DPP10: variants seen among roughly 807,000 people sequenced by gnomAD.
DPP10 encodes inactive dipeptidyl peptidase 10.
DPP10 carries 33 observed loss-of-function variants against 120.9 expected under a neutral mutation model. The observed-to-expected ratio is 0.27, with a 90% CI of 0.21 to 0.37. The LOEUF (loss-of-function observed/expected upper bound fraction) is 0.37, where lower values mean the gene tolerates loss of function less well. Ranked by LOEUF, DPP10 falls within the 10% of genes least tolerant of loss-of-function variation. The pLI, the probability that DPP10 is intolerant of heterozygous loss-of-function variation, is 1.00. For synonymous variants in DPP10, 337 were observed against 326.1 expected (o/e 1.03, Z -0.36); for missense variants, 816 against 942.8 (o/e 0.87, Z 1.76).
intron 1 of DPP10, among the ~76,000 whole-genome samples, chr2:114,577,465 G>A (rs1394777160): frequency 1.3e-5 from 2 of 152,188 alleles, no homozygotes; most frequent in Non-Finnish European, 2.9e-5. Flanking sequence ...CTTCCAATAA[G>A]AGTAACCAGA....
At chr2:115,598,711 A>G (rs1356529328) in intron 5 of DPP10, among the ~76,000 whole-genome samples, 4 of 151,610 alleles carry the variant, frequency 2.6e-5, no homozygotes, top group Non-Finnish European at 5.9e-5. Flanking sequence ...GGGCTTTTTT[A>G]TATTTACTCA....
At chr2:114,521,186 A>G (rs1189023892) in intron 1 of DPP10, among the ~76,000 whole-genome samples, 1 of 152,008 alleles carries the variant, frequency 6.6e-6, no homozygotes, top group Non-Finnish European at 1.5e-5. Flanking sequence ...AAAAGACATA[A>G]AATTAATAAA....
At chr2:114,935,131 C>A (rs187746701) in intron 1 of DPP10, among the ~76,000 whole-genome samples, 2 of 152,124 alleles carry the variant, frequency 1.3e-5, no homozygotes, top group South Asian at 4.1e-4. Context: ...GTCAGGACAA[C>A]CCCGCTGCTT....
At chr2:115,410,617 A>C (rs1391941849) in intron 3 of DPP10, among the ~76,000 whole-genome samples, 2 of 152,166 alleles carry the variant, frequency 1.3e-5, no homozygotes, top group African/African-American at 4.8e-5. Flanking sequence ...CTGGCACTTA[A>C]AAGCTGAAGG....
chr2:114,497,406 T>C (rs575408489), intron 1 of DPP10, among the ~76,000 whole-genome samples: 3 of 118,086 alleles, frequency 2.5e-5, no homozygotes, highest in South Asian at 2.6e-4. Context: ...CATATACATA[T>C]ACACATACAT....
At chr2:115,365,175 A>G (rs2106370465) in intron 3 of DPP10, among the ~76,000 whole-genome samples, 1 of 152,226 alleles carries the variant, frequency 6.6e-6, no homozygotes, top group South Asian at 2.1e-4. Context: ...GAAGCAAACC[A>G]AATTCCTGGA....
At chr2:115,706,538 A>T (rs1157833846) in intron 7 of DPP10, among the ~76,000 whole-genome samples, 1 of 151,992 alleles carries the variant, frequency 6.6e-6, no homozygotes, top group Non-Finnish European at 1.5e-5. Flanking sequence ...TATTTGAATG[A>T]AAGAGCAATG....
chr2:114,482,493 G>A (rs893822584), intron 1 of DPP10, among the ~76,000 whole-genome samples: 3 of 152,086 alleles, frequency 2.0e-5, no homozygotes, highest in Non-Finnish European at 2.9e-5. Context: ...AACAGACATC[G>A]TTTATTACTT....
intron 1 of DPP10, among the ~76,000 whole-genome samples, chr2:115,252,449 T>C (rs182011844): frequency 1.3e-5 from 2 of 152,336 alleles, no homozygotes; most frequent in East Asian, 3.9e-4. Context: ...AGATTATATC[T>C]GAAATAATTG....
At chr2:115,137,065 T>C (rs934206678) in intron 1 of DPP10, among the ~76,000 whole-genome samples, 1 of 151,996 alleles carries the variant, frequency 6.6e-6, no homozygotes, top group African/African-American at 2.4e-5. Flanking sequence ...GTAGTTAACA[T>C]GAAAGCCACG....
At chr2:115,767,388 A>G (rs1680888550) in intron 12 of DPP10, among the ~76,000 whole-genome samples, 1 of 152,062 alleles carries the variant, frequency 6.6e-6, no homozygotes, top group African/African-American at 2.4e-5. Flanking sequence ...CCAGCAGGAA[A>G]AACTCAATGT....
At chr2:115,644,196 G>T (rs1427781198) in intron 5 of DPP10, among the ~76,000 whole-genome samples, 2 of 151,864 alleles carry the variant, frequency 1.3e-5, no homozygotes, top group Non-Finnish European at 2.9e-5. Flanking sequence ...AAGTTCTAGG[G>T]TACATGTGCA....
intron 1 of DPP10, among the ~76,000 whole-genome samples, chr2:114,675,481 G>A (rs10496471): frequency 0.014 from 2,102 of 152,190 alleles, 41 homozygotes; most frequent in African/African-American, 0.047. Context: ...GGGTAAAAAG[G>A]CCATCTATGT....
chr2:114,929,246 A>T (rs1242325152), intron 1 of DPP10, among the ~76,000 whole-genome samples: 1 of 152,158 alleles, frequency 6.6e-6, no homozygotes, highest in Non-Finnish European at 1.5e-5. Context: ...CGAAATTAGA[A>T]TTACTGATGA....
At chr2:114,907,550 G>A (rs972332485) in intron 1 of DPP10, among the ~76,000 whole-genome samples, 4 of 151,928 alleles carry the variant, frequency 2.6e-5, no homozygotes, top group Admixed American at 2.6e-4. Flanking sequence ...GTGAGCATTG[G>A]TTACTTAGAA....
chr2:114,605,948 T>C (rs1692752840), intron 1 of DPP10, among the ~76,000 whole-genome samples: 1 of 152,068 alleles, frequency 6.6e-6, no homozygotes, highest in Non-Finnish European at 1.5e-5. Context: ...GTCCAGTAAG[T>C]GGGTAACTTG....
chr2:114,562,749 A>G (rs991126231), intron 1 of DPP10, among the ~76,000 whole-genome samples: 3 of 152,250 alleles, frequency 2.0e-5, no homozygotes, highest in Non-Finnish European at 4.4e-5. Context: ...CATACTCTGT[A>G]AAAGGAATTA....
chr2:114,597,583 C>T (rs890981517), intron 1 of DPP10, among the ~76,000 whole-genome samples: 4 of 151,964 alleles, frequency 2.6e-5, no homozygotes, highest in African/African-American at 9.7e-5. Flanking sequence ...GATCTTCCAT[C>T]TGTCTAGATA....
chr2:115,150,994 T>C (rs1483974823), intron 1 of DPP10, among the ~76,000 whole-genome samples: 1 of 152,192 alleles, frequency 6.6e-6, no homozygotes, highest in Non-Finnish European at 1.5e-5. Context: ...GCGATGTTCC[T>C]GTTAATTTTG....
Sources: allele counts gnomAD v4.1 joint callset (sites outside exome capture counted in the v4.1 genomes callset), GRCh38; gene constraint gnomAD v4.1.1; transcripts MANE v1.5; gene names NCBI Gene and HGNC (gene_info 2026-07-23, HGNC 2026-07-21).